Variants in GNAI1 observed in about 807,000 individuals in gnomAD.
GNAI1 encodes guanine nucleotide-binding protein G(i) subunit alpha-1.
GNAI1 carries 11 observed loss-of-function variants against 38.9 expected under a neutral mutation model. That is an observed-to-expected ratio of 0.28 (90% CI 0.18 to 0.47). The LOEUF (loss-of-function observed/expected upper bound fraction) is 0.47. Among genes scored for constraint, GNAI1 ranks in the 20% least tolerant of loss-of-function variants. The pLI, the probability that GNAI1 is intolerant of heterozygous loss-of-function variation, is 0.99. For synonymous variants in GNAI1, 166 were observed against 145.1 expected, an observed-to-expected ratio of 1.14 and a Z score of -1.04; for missense variants, 317 against 436.9, an observed-to-expected ratio of 0.73 and a Z score of 2.45.
chr7:80,211,103 G>A lies in GNAI1; in HGVS notation c.720+5G>A. On this transcript the variant is annotated splice_donor_5th_base_variant and intron_variant, in intron 6 of 7. Transcript: ENST00000649796. Reference sequence around the variant, plus strand: ...CTAGCTGAAGATGAAGAAATGGCAAGTAGAACTACTTTAAGAGTTGAGCTT... The same window carrying A: ...CTAGCTGAAGATGAAGAAATGGCAAATAGAACTACTTTAAGAGTTGAGCTT... 4 of 1,612,438 alleles carry A rather than the reference G, an allele frequency of 2.5e-6. No individual in the cohort carries two copies. Among genetic ancestry groups the A allele is most frequent in the Non-Finnish European group, 3.4e-6 (4 of 1,178,760 alleles).
intron 4 of GNAI1, among the ~76,000 whole-genome samples, chr7:80,200,750 A>G (rs776576869): frequency 3.3e-5 from 5 of 151,204 alleles, no homozygotes; most frequent in Non-Finnish European, 7.4e-5. Context: ...TTCATAATCT[A>G]TATTTTTAAC....
intron 1 of GNAI1, among the ~76,000 whole-genome samples, chr7:80,160,368 T>G (rs968577032): frequency 6.6e-6 from 1 of 152,098 alleles, no homozygotes; most frequent in Non-Finnish European, 1.5e-5. Context: ...CGTTTGTGTT[T>G]AAAAAATTCA....
chr7:80,198,512 A>G (rs1177283854), intron 3 of GNAI1, among the ~76,000 whole-genome samples: 4 of 152,148 alleles, frequency 2.6e-5, no homozygotes. Flanking sequence ...AACTTTATAT[A>G]AAGTATCTTT....
intron 3 of GNAI1, among the ~76,000 whole-genome samples, chr7:80,192,592 G>A (rs946164625): frequency 5.9e-5 from 9 of 152,288 alleles, no homozygotes; most frequent in African/African-American, 1.7e-4. Context: ...TTGTAGGGTT[G>A]TGAGGAATAA....
rs1052268247 is a variant in GNAI1, at chr7:80,220,907, T to G, written c.*3414T>G. 6.6e-6 allele frequency among the ~76,000 whole-genome samples: 1 copy of G among 152,174 alleles called. No individual in the cohort carries two copies. The highest frequency in any genetic ancestry group is 1.5e-5 in the Non-Finnish European group (1 of 68,026). ...CTTGAGTTCCTCTGAGCCATAATAG[T>G]TTTTCAGATTTAAAAAAGGAGATAC... On this transcript the variant is annotated 3_prime_UTR_variant, in exon 8 of 8. Transcript: ENST00000649796.
chr7:80,156,700 A>G (rs954106681), intron 1 of GNAI1, among the ~76,000 whole-genome samples: 1 of 152,118 alleles, frequency 6.6e-6, no homozygotes, highest in African/African-American at 2.4e-5. Context: ...TTCCAAAGTG[A>G]TGGAGTTACA....
intron 1 of GNAI1, among the ~76,000 whole-genome samples, chr7:80,188,655 G>C (rs748668882): frequency 2.0e-5 from 3 of 152,152 alleles, no homozygotes; most frequent in Non-Finnish European, 4.4e-5. Flanking sequence ...TTACCTGTTT[G>C]TCCCCTGTGG....
At chr7:80,169,979 C>T (rs547100724) in intron 1 of GNAI1, among the ~76,000 whole-genome samples, 9 of 152,292 alleles carry the variant, frequency 5.9e-5, no homozygotes, top group Non-Finnish European at 1.3e-4. Context: ...TAAGGTTCCT[C>T]TACATTGTCA....
rs1789109183 is a variant in GNAI1, at chr7:80,223,200, CCA to C, written c.*5710_*5711del. On this transcript the variant is annotated 3_prime_UTR_variant, in exon 8 of 8. Coordinates refer to ENST00000649796, the MANE Select transcript of GNAI1 (RefSeq NM_002069.6). ...AGTAGGACTCTTGAGAGCCTAAGGGCCACAGAAATTCCTTTTCCAACTGCAGT... is the reference window on the plus strand; with the variant it reads ...AGTAGGACTCTTGAGAGCCTAAGGGCCAGAAATTCCTTTTCCAACTGCAGT... 1.3e-5 allele frequency among the ~76,000 whole-genome samples: 2 copies of C among 152,296 alleles called. No individual in the cohort carries two copies. Among genetic ancestry groups the C allele is most frequent in the South Asian group, 4.2e-4 (2 of 4,816 alleles).
chr7:80,166,006 CTTTG>C (rs1483759625), intron 1 of GNAI1, among the ~76,000 whole-genome samples: 2 of 152,026 alleles, frequency 1.3e-5, no homozygotes, highest in African/African-American at 4.8e-5. Flanking sequence ...TTTGCTTAAT[CTTTG>C]TTTATTAAAC....
At chr7:80,169,087 A>G (rs1788060329) in intron 1 of GNAI1, among the ~76,000 whole-genome samples, 1 of 152,034 alleles carries the variant, frequency 6.6e-6, no homozygotes, top group South Asian at 2.1e-4. Flanking sequence ...GATTCTTTTG[A>G]TTTTGTCATA....
At chr7:80,193,538 A>G (rs1788516812) in intron 3 of GNAI1, among the ~76,000 whole-genome samples, 3 of 152,186 alleles carry the variant, frequency 2.0e-5, no homozygotes, top group Admixed American at 2.0e-4. Flanking sequence ...TTGATAATTT[A>G]GGTGATTATG....
At position 80,217,451 on chromosome 7, in the gene GNAI1, T is replaced by C. The variant is rs1260983422; in HGVS notation, c.1023T>C (p.Asp341=). 9 of 1,604,740 alleles carry C rather than the reference T, an allele frequency of 5.6e-6. No homozygotes were observed. Among genetic ancestry groups the C allele is most frequent in the African/African-American group, 1.3e-5 (1 of 74,558 alleles). ...AGTTTGTTTTTGATGCTGTAACAGA[T>C]GTCATCATAAAAAATAATCTAAAAG... The part of the protein sequence containing the change: ...NVQFVFDAVT[D]VIIKNNLKDC... Residue 341 remains aspartate, a synonymous_variant, in exon 8 of 8, where the codon GAT becomes GAC. Transcript: ENST00000649796.
chr7:80,137,686 C>T (rs192390904), intron 1 of GNAI1, among the ~76,000 whole-genome samples: 2 of 152,248 alleles, frequency 1.3e-5, no homozygotes, highest in East Asian at 3.9e-4. Context: ...TTTTAGAAAT[C>T]TTTAAGTGAC....
intron 1 of GNAI1, among the ~76,000 whole-genome samples, chr7:80,181,405 A>G (rs1788291296): frequency 6.6e-6 from 1 of 152,210 alleles, no homozygotes; most frequent in African/African-American, 2.4e-5. Context: ...GTGTGATTAG[A>G]GTGACTTAGA....
In GNAI1 at chr7:80,171,534, G is replaced by A. The variant is rs116726205; in HGVS notation, c.119-17417G>A. Among the ~76,000 whole-genome samples the A allele has an allele frequency of 3.5e-3, 531 of 152,230 alleles. 6 individuals carry two copies. Among genetic ancestry groups the A allele is most frequent in the African/African-American group, 0.012 (517 of 41,548 alleles). On this transcript the variant is annotated intron_variant, in intron 1 of 7. Coordinates refer to ENST00000649796, the MANE Select transcript of GNAI1 (RefSeq NM_002069.6). ...GACAACGTCATCTTTTATTATTGAT[G>A]TTTATTTTAATTTACATCTTGATGT...
intron 1 of GNAI1, among the ~76,000 whole-genome samples, chr7:80,160,325 G>A (rs1035291857): frequency 6.6e-6 from 1 of 152,006 alleles, no homozygotes; most frequent in African/African-American, 2.4e-5. Context: ...TAAAAAAAAT[G>A]GGAGTAATGA....
intron 1 of GNAI1, among the ~76,000 whole-genome samples, chr7:80,176,977 G>A (rs1788193345): frequency 1.4e-5 from 2 of 146,666 alleles, no homozygotes; most frequent in Non-Finnish European, 3.0e-5. Context: ...AGTCTGCTGT[G>A]CCTGTGCTCT....
intron 1 of GNAI1, among the ~76,000 whole-genome samples, chr7:80,183,085 A>G (rs1376625341): frequency 2.6e-5 from 4 of 152,210 alleles, no homozygotes; most frequent in Non-Finnish European, 4.4e-5. Flanking sequence ...TCCTTGAGAA[A>G]GACATTCCTG....
Sources: allele counts gnomAD v4.1 joint callset (sites outside exome capture counted in the v4.1 genomes callset), GRCh38; gene constraint gnomAD v4.1.1; transcripts MANE v1.5; gene names NCBI Gene and HGNC (gene_info 2026-07-23, HGNC 2026-07-21).